Variants in TCF7L1 observed in about 807,000 individuals in gnomAD.
The protein encoded by TCF7L1 is transcription factor 7-like 1.
Under a neutral mutation model 63.7 loss-of-function variants are expected in TCF7L1, and 18 were observed. The ratio of observed to expected loss-of-function variants is 0.28; its 90% CI spans 0.20 to 0.42. The LOEUF is 0.42. TCF7L1 is among the 10% of genes least tolerant of loss of function. TCF7L1 has a pLI of 1.00. For missense variants in TCF7L1, 654 were observed against 779.3 expected (o/e 0.84, Z 1.91); for synonymous variants, 355 against 340.9 (o/e 1.04, Z -0.46).
intron 3 of TCF7L1, among the ~76,000 whole-genome samples, chr2:85,169,890 T>G (rs541358651): frequency 6.6e-5 from 10 of 152,336 alleles, no homozygotes; most frequent in African/African-American, 2.4e-4. Context: ...CAATCAGGAT[T>G]TTTTAAGATA....
intron 3 of TCF7L1, among the ~76,000 whole-genome samples, chr2:85,282,057 G>C (rs759028655): frequency 1.9e-4 from 29 of 152,012 alleles, no homozygotes; most frequent in Non-Finnish European, 3.1e-4. Flanking sequence ...GCACGATCTT[G>C]GCTCACTGCA....
chr2:85,144,749 G>GTA (rs56280423), intron 3 of TCF7L1, among the ~76,000 whole-genome samples: 3 of 147,066 alleles, frequency 2.0e-5, no homozygotes, highest in African/African-American at 5.1e-5. Flanking sequence ...GTGTGTGTGT[G>GTA]TATGTGTGTG....
chr2:85,191,634 G>C (rs898789802), intron 3 of TCF7L1, among the ~76,000 whole-genome samples: 1 of 152,180 alleles, frequency 6.6e-6, no homozygotes, highest in Non-Finnish European at 1.5e-5. Flanking sequence ...AGACCAGCCT[G>C]ATCAACGTGG....
chr2:85,172,301 G>C (rs563267075), intron 3 of TCF7L1, among the ~76,000 whole-genome samples: 109 of 152,132 alleles, frequency 7.2e-4, no homozygotes, highest in African/African-American at 2.6e-3. Context: ...TGACCTCCCC[G>C]TGGCCCCTGT....
intron 3 of TCF7L1, among the ~76,000 whole-genome samples, chr2:85,220,625 A>C (rs1679820168): frequency 6.6e-6 from 1 of 152,054 alleles, no homozygotes; most frequent in South Asian, 2.1e-4. Context: ...CAGCCTCCCA[A>C]AGTGCTGGGA....
intron 3 of TCF7L1, among the ~76,000 whole-genome samples, chr2:85,238,749 G>A (rs1315762812): frequency 1.3e-5 from 2 of 151,964 alleles, no homozygotes; most frequent in Non-Finnish European, 2.9e-5. Context: ...CTTTAGGTTG[G>A]ATGGACAGGG....
rs1464480929 is a variant in TCF7L1 at position 85,134,342 on chromosome 2, C to T, written c.333C>T (p.Ser111=). The change falls in exon 3 of 12, where the codon AGC becomes AGT. Residue 111 remains serine, a synonymous_variant. Transcript: ENST00000282111. The surrounding 1 kb of genome is among the most constrained non-coding windows in gnomAD (Gnocchi z 5.0). ...TCGCAGTGAGAAGGCCTCAGGACAG[C>T]GCGTTCTTTAAAGGACCCCCGTACC... ...YFAEVRRPQD[S]AFFKGPPYPG... is the part of the protein sequence containing the mutation. The T allele has an allele frequency of 1.9e-6, 3 of 1,584,692 alleles. No individual in the cohort carries two copies. The highest frequency in any genetic ancestry group is 1.3e-5 in the African/African-American group (1 of 74,240).
Position 85,309,741 on chromosome 2 carries a change from T to C in TCF7L1, c.*279T>C. 1 of 364,562 alleles carries C rather than the reference T, an allele frequency of 2.7e-6. No homozygotes were observed. The highest frequency in any genetic ancestry group is 4.9e-6 in the Non-Finnish European group (1 of 203,628). 22.6% of individuals were successfully genotyped at this position (364,562 alleles called of 1,614,324 possible). ...CTGTAGGTGCTGTGGTGGATGGACC[T>C]GGGCAGAGGGCACTTCTCTCTCTTA... On this transcript the variant is annotated 3_prime_UTR_variant, in exon 12 of 12. Transcript: ENST00000282111.
At chr2:85,230,030 G>A (rs1430502492) in intron 3 of TCF7L1, among the ~76,000 whole-genome samples, 1 of 152,124 alleles carries the variant, frequency 6.6e-6, no homozygotes. Context: ...TTAAATGTTG[G>A]TCCACTTTCT....
chr2:85,133,546 G>A lies in TCF7L1; in HGVS notation c.-139G>A, dbSNP rs1433228023. On this transcript the variant is annotated 5_prime_UTR_variant, in exon 1 of 12. Transcript: ENST00000282111. The surrounding 1 kb of genome is among the most constrained non-coding windows in gnomAD (Gnocchi z 4.4). The stretch of plus-strand genomic sequence containing the variant: ...GGCAGCGCCGGGCCCGCTTCCCGCG[G>A]GGCCACGCCCTGTCAAACTTTGTTG... 1 of 192,674 alleles carries A rather than the reference G, an allele frequency of 5.2e-6. No homozygotes were observed. 11.9% of individuals were successfully genotyped at this position (192,674 alleles called of 1,614,324 possible).
At chr2:85,232,157 G>C (rs980887917) in intron 3 of TCF7L1, among the ~76,000 whole-genome samples, 2 of 152,194 alleles carry the variant, frequency 1.3e-5, no homozygotes, top group African/African-American at 2.4e-5. Flanking sequence ...GCTGCCAGCA[G>C]AGGCTGGAGA....
At chr2:85,212,628 G>C (rs146100219) in intron 3 of TCF7L1, among the ~76,000 whole-genome samples, 8 of 152,274 alleles carry the variant, frequency 5.3e-5, no homozygotes, top group Admixed American at 1.3e-4. Flanking sequence ...GAGTAAAAGC[G>C]CAGAGGTGGA....
chr2:85,164,736 C>T (rs1378240855), intron 3 of TCF7L1, among the ~76,000 whole-genome samples: 1 of 152,188 alleles, frequency 6.6e-6, no homozygotes, highest in Admixed American at 6.5e-5. Context: ...TGACTGTCAC[C>T]AGTAGCAATT....
intron 3 of TCF7L1, among the ~76,000 whole-genome samples, chr2:85,234,356 G>A (rs936705658): frequency 1.4e-4 from 22 of 151,742 alleles, no homozygotes; most frequent in Non-Finnish European, 7.4e-5. Context: ...GGATGGTCTC[G>A]ATCTCTTGAC....
chr2:85,270,374 T>TA (rs1341158811), intron 3 of TCF7L1, among the ~76,000 whole-genome samples: 7 of 152,230 alleles, frequency 4.6e-5, no homozygotes, highest in Admixed American at 1.3e-4. Flanking sequence ...CACCTCTGTC[T>TA]AGGAGCTGAG....
chr2:85,235,340 C>G (rs1680166800), intron 3 of TCF7L1, among the ~76,000 whole-genome samples: 1 of 151,622 alleles, frequency 6.6e-6, no homozygotes, highest in Non-Finnish European at 1.5e-5. Flanking sequence ...CTTTGTCTGT[C>G]CCTACCCTGT....
intron 4 of TCF7L1, 32 bp from the exon 5 acceptor site, chr2:85,302,452 C>G (rs1046926979): frequency 6.2e-7 from 1 of 1,613,942 alleles, no homozygotes; most frequent in Non-Finnish European, 8.5e-7. Flanking sequence ...ATCTCCTTGG[C>G]AACCATTCCT....
intron 3 of TCF7L1, among the ~76,000 whole-genome samples, chr2:85,159,228 G>T (rs977247308): frequency 6.6e-6 from 1 of 152,112 alleles, no homozygotes; most frequent in Non-Finnish European, 1.5e-5. Flanking sequence ...CAGCCTTTTA[G>T]GCCTTTCCTA....
At chr2:85,302,298 G>A (rs773167262) in intron 4 of TCF7L1, among the ~76,000 whole-genome samples, 186 bp from the exon 5 acceptor site, 5 of 152,142 alleles carry the variant, frequency 3.3e-5, no homozygotes, top group Admixed American at 6.6e-5. Flanking sequence ...TGGAGGGTGG[G>A]TGTGATCCCT....
Sources: allele counts gnomAD v4.1 joint callset (sites outside exome capture counted in the v4.1 genomes callset), GRCh38; gene constraint gnomAD v4.1.1; non-coding constraint Gnocchi (gnomAD v3.1); transcripts MANE v1.5; gene names NCBI Gene and HGNC (gene_info 2026-07-23, HGNC 2026-07-21).